LUZP2: variants seen among roughly 807,000 people sequenced by gnomAD.
LUZP2 encodes the protein leucine zipper protein 2.
LUZP2 carries 52 observed loss-of-function variants against 51.6 expected under a neutral mutation model. The ratio of observed to expected loss-of-function variants is 1.01; its 90% CI spans 0.81 to 1.27. The LOEUF (loss-of-function observed/expected upper bound fraction) is 1.27, where lower values mean the gene tolerates loss of function less well. Ranked by LOEUF, LUZP2 falls within the 50% of genes most tolerant of loss-of-function variation. The pLI is 0.00. For missense variants in LUZP2, 436 were observed against 395.4 expected, an observed-to-expected ratio of 1.10 and a Z score of -0.87; for synonymous variants, 154 against 137.3, an observed-to-expected ratio of 1.12 and a Z score of -0.85.
intron 5 of LUZP2, among the ~76,000 whole-genome samples, chr11:24,887,926 G>A (rs1852725808): frequency 6.6e-6 from 1 of 152,128 alleles, no homozygotes; most frequent in Non-Finnish European, 1.5e-5. Context: ...TTTATTTTGG[G>A]TACTGCTGCA....
intron 1 of LUZP2, among the ~76,000 whole-genome samples, chr11:24,616,985 A>G (rs1854309670): frequency 2.0e-5 from 3 of 152,166 alleles, no homozygotes; most frequent in African/African-American, 7.2e-5. Context: ...TTGTTAGGTA[A>G]AATGTCGTAT....
intron 6 of LUZP2, among the ~76,000 whole-genome samples, chr11:24,909,777 T>C (rs963986598): frequency 6.6e-6 from 1 of 152,168 alleles, no homozygotes; most frequent in African/African-American, 2.4e-5. Context: ...GGTATTTCTT[T>C]ATGAGCAGTG....
At chr11:24,563,648 G>A (rs1267913511) in intron 1 of LUZP2, among the ~76,000 whole-genome samples, 5 of 151,838 alleles carry the variant, frequency 3.3e-5, no homozygotes, top group Non-Finnish European at 5.9e-5. Context: ...ATTCCTGGTT[G>A]TTATTTTATC....
chr11:24,631,800 G>T (rs1590269011), intron 1 of LUZP2, among the ~76,000 whole-genome samples: 1 of 152,042 alleles, frequency 6.6e-6, no homozygotes, highest in East Asian at 1.9e-4. Flanking sequence ...ATGCAGCTGT[G>T]AATCTATCTA....
chr11:24,710,875 G>C (rs958207512), intron 1 of LUZP2, among the ~76,000 whole-genome samples: 3 of 137,632 alleles, frequency 2.2e-5, no homozygotes, highest in Non-Finnish European at 3.1e-5. Flanking sequence ...AATCTGGCGA[G>C]AAGAAATAAG....
At chr11:25,056,532 A>G (rs533027006) in intron 10 of LUZP2, among the ~76,000 whole-genome samples, 1 of 152,296 alleles carries the variant, frequency 6.6e-6, no homozygotes, top group Admixed American at 6.5e-5. Flanking sequence ...CATGGGAATT[A>G]CATAAAACCT....
At chr11:24,738,634 G>C (rs978764323) in intron 4 of LUZP2, among the ~76,000 whole-genome samples, 6 of 152,002 alleles carry the variant, frequency 3.9e-5, no homozygotes, top group African/African-American at 1.4e-4. Flanking sequence ...AGTAAATTAA[G>C]CTAAGTGATA....
chr11:24,752,076 A>G (rs1240955892), intron 4 of LUZP2, among the ~76,000 whole-genome samples: 2 of 152,154 alleles, frequency 1.3e-5, no homozygotes, highest in Non-Finnish European at 2.9e-5. Flanking sequence ...GAGATAGAAA[A>G]TATAAAATAT....
At chr11:24,899,133 A>G (rs999586096) in intron 5 of LUZP2, among the ~76,000 whole-genome samples, 1 of 152,122 alleles carries the variant, frequency 6.6e-6, no homozygotes, top group African/African-American at 2.4e-5. Context: ...AAACTTATTC[A>G]CTTGCATTTA....
chr11:25,003,896 A>G (rs1369479967), intron 9 of LUZP2, among the ~76,000 whole-genome samples: 1 of 152,218 alleles, frequency 6.6e-6, no homozygotes, highest in Admixed American at 6.5e-5. Context: ...CAAGAAAGGC[A>G]TGTGAAAAGA....
At chr11:24,984,693 C>T (rs149234386) in intron 9 of LUZP2, among the ~76,000 whole-genome samples, 1 of 151,188 alleles carries the variant, frequency 6.6e-6, no homozygotes, top group East Asian at 2.0e-4. Flanking sequence ...ATACCTGTTA[C>T]ATTCACTGTT....
At chr11:24,984,549 T>TATATATATATATATACATAA (rs60530495) in intron 9 of LUZP2, among the ~76,000 whole-genome samples, 1 of 71,224 alleles carries the variant, frequency 1.4e-5, no homozygotes, top group Non-Finnish European at 2.8e-5. Context: ...TATATATATA[T>TATATATATATATATACATAA]AATTGTGAAT....
At chr11:24,983,395 A>C (rs1025787915) in intron 9 of LUZP2, 102 bp downstream of exon 9, 1 of 1,161,278 alleles carries the variant, frequency 8.6e-7, no homozygotes, top group East Asian at 2.5e-5. Flanking sequence ...GTATGATAAC[A>C]AATCCATTGA....
At chr11:24,897,205 A>T (rs1853095307) in intron 5 of LUZP2, among the ~76,000 whole-genome samples, 2 of 152,184 alleles carry the variant, frequency 1.3e-5, no homozygotes, top group Admixed American at 6.5e-5. Flanking sequence ...AAACGGACCA[A>T]TCAGCACTCC....
At chr11:24,926,201 A>ATG (rs1402530899) in intron 7 of LUZP2, among the ~76,000 whole-genome samples, 25 of 148,684 alleles carry the variant, frequency 1.7e-4, no homozygotes, top group Middle Eastern at 3.6e-3. Context: ...GTATATATAT[A>ATG]TGTGTGTATA....
chr11:24,503,031 T>A (rs1044799144), intron 1 of LUZP2, among the ~76,000 whole-genome samples: 2 of 152,206 alleles, frequency 1.3e-5, no homozygotes, highest in Non-Finnish European at 2.9e-5. Flanking sequence ...ATTGACATTT[T>A]TTTTTACTAC....
intron 10 of LUZP2, among the ~76,000 whole-genome samples, chr11:25,073,408 G>A (rs1436097648): frequency 6.6e-6 from 1 of 152,136 alleles, no homozygotes; most frequent in South Asian, 2.1e-4. Context: ...TCCCTGTGTG[G>A]AGGAAGTGCT....
chr11:24,833,712 GCA>G (rs71044309), intron 5 of LUZP2, among the ~76,000 whole-genome samples: 3 of 147,132 alleles, frequency 2.0e-5, no homozygotes, highest in African/African-American at 7.5e-5. Flanking sequence ...CCGCGCGCGC[GCA>G]CACACACACA....
At chr11:25,033,320 G>A (rs1297475547) in intron 9 of LUZP2, among the ~76,000 whole-genome samples, 1 of 152,148 alleles carries the variant, frequency 6.6e-6, no homozygotes, top group Non-Finnish European at 1.5e-5. Flanking sequence ...TGCCCGGTAT[G>A]CTAAGGAAAG....
Sources: gnomAD v4.1 joint callset for allele counts (sites outside exome capture counted in the v4.1 genomes callset) on GRCh38, gnomAD v4.1.1 for gene constraint, MANE v1.5 for transcripts, NCBI Gene and HGNC (gene_info 2026-07-23, HGNC 2026-07-21) for gene names.